SIGLEC5: variants seen among roughly 807,000 people sequenced by gnomAD.
The protein encoded by SIGLEC5 is sialic acid binding Ig like lectin 5, also known as sialic acid-binding Ig-like lectin 5.
Under a neutral mutation model 45.9 loss-of-function variants are expected in SIGLEC5, and 34 were observed. The observed-to-expected ratio is 0.74, with a 90% CI of 0.56 to 0.99. The LOEUF (loss-of-function observed/expected upper bound fraction) is 0.99, where lower values mean the gene tolerates loss of function less well. SIGLEC5 is among the 50% of genes least tolerant of loss of function. The pLI, the probability that SIGLEC5 is intolerant of heterozygous loss-of-function variation, is 0.00. For missense variants in SIGLEC5, 508 were observed against 629.6 expected (o/e 0.81, Z 2.07); for synonymous variants, 203 against 258.6 (o/e 0.79, Z 2.06).
At chr19:51,612,505 C>T (rs1982896284) in intron 8 of SIGLEC5, 83 bp from the exon 9 acceptor site, 1 of 1,025,738 alleles carries the variant, frequency 9.7e-7, no homozygotes, top group African/African-American at 1.7e-5. Flanking sequence ...TATATGTTGC[C>T]TTGGGATTTA....
chr19:51,625,667 T>C (rs1462275443), intron 8 of SIGLEC5, among the ~76,000 whole-genome samples: 1 of 152,060 alleles, frequency 6.6e-6, no homozygotes, highest in African/African-American at 2.4e-5. Context: ...CCGTCTCTAC[T>C]AAAAATACAA....
chr19:51,629,765 A>T, intron 2 of SIGLEC5, 68 bp downstream of exon 2: 2 of 1,227,844 alleles, frequency 1.6e-6, no homozygotes, highest in Non-Finnish European at 2.3e-6. Flanking sequence ...CCCCTGCCCA[A>T]CTCCTGTCCC....
rs1568593086 is a variant in SIGLEC5 at position 51,627,902 on chromosome 19, CCTT to C, written c.926_928del (p.Glu309del). On this transcript the variant is annotated inframe_deletion, in exon 5 of 9. Transcript: ENST00000683636. Reference sequence around the variant, plus strand: ...GTGCTGAGCGCGGCAGGTGAAGCCTCCTTCTTCTGCAGACCTTACTCGACGAAG... The same window carrying C: ...GTGCTGAGCGCGGCAGGTGAAGCCTCCTTCTGCAGACCTTACTCGACGAAG... 1.9e-6 allele frequency: 3 copies of C among 1,613,722 alleles called. No individual in the cohort carries two copies. The highest frequency in any genetic ancestry group is 2.5e-6 in the Non-Finnish European group (3 of 1,179,822).
chr19:51,622,428 C>T (rs536236301), intron 8 of SIGLEC5, among the ~76,000 whole-genome samples: 26 of 151,076 alleles, frequency 1.7e-4, no homozygotes, highest in African/African-American at 2.9e-4. Context: ...CGTGAGCCAC[C>T]GCGCCCGGCC....
At position 51,612,406 on chromosome 19, in the gene SIGLEC5, G is replaced by T; in HGVS notation, c.1481C>A (p.Pro494His). The T allele has an allele frequency of 6.2e-7, 1 of 1,610,722 alleles. No homozygotes were observed. Among genetic ancestry groups the T allele is most frequent in the Non-Finnish European group, 8.5e-7 (1 of 1,178,604 alleles). The stretch of plus-strand genomic sequence containing the variant: ...TTGATCTCCGGGGCTGTCTGGCCAG[G>T]GCTTCTTCCTGGAACCCTGAGTAAA... ...GTITSGSRKK[P>H]WPDSPGDQAS... Residue 494 changes from proline to histidine, a missense_variant, in exon 9 of 9, where the codon CCC becomes CAC. Around this residue, in one of 2 missense-constraint regions of SIGLEC5, gnomAD observed 431 missense variants for 428.8 expected, o/e 1.01. Coordinates refer to ENST00000683636, the MANE Select transcript of SIGLEC5 (RefSeq NM_003830.4).
In SIGLEC5 at chr19:51,630,171, G is replaced by T; in HGVS notation, c.83C>A (p.Ser28Ter). ...GCACAGGCCCTCCTGCACCGTCACC[G>T]ACTTCTGCACTTGCAGCTCGTACAC... The part of the protein sequence containing the change: ...KPVYELQVQK[S>*]VTVQEGLCVL... Residue 28 changes from serine (S) to a stop codon, truncating the protein, a stop_gained, in exon 2 of 9, where the codon TCG becomes TAG. Transcript: ENST00000683636. LOFTEE classifies it high-confidence loss of function. The T allele has an allele frequency of 1.8e-6, 1 of 559,920 alleles. No individual in the cohort carries two copies. Among genetic ancestry groups the T allele is most frequent in the Non-Finnish European group, 2.9e-6 (1 of 349,690 alleles). The allele number at this position is 559,920 out of a possible 1,614,324, so 34.7% of individuals were successfully genotyped here. A position where few individuals can be genotyped will look rare whatever the true frequency, so the allele number is the denominator to read the frequency against.
chr19:51,627,892 G>C lies in SIGLEC5; in HGVS notation c.939C>G (p.Thr313=), dbSNP rs201936835. The C allele has an allele frequency of 8.1e-6, 13 of 1,613,722 alleles. No individual in the cohort carries two copies. Among genetic ancestry groups the C allele is most frequent in the Non-Finnish European group, 1.1e-5 (13 of 1,179,816 alleles). The stretch of plus-strand genomic sequence containing the variant: ...AGCCCAGCGGGTGCTGAGCGCGGCA[G>C]GTGAAGCCTCCTTCTTCTGCAGACC... ...RVRSAEEGGF[T]CRAQHPLGFL... Residue 313 remains threonine (T), a synonymous_variant, in exon 5 of 9, where the codon ACC becomes ACG. Transcript: ENST00000683636.
chr19:51,619,377 G>A (rs1404379878), intron 8 of SIGLEC5, among the ~76,000 whole-genome samples: 1 of 152,140 alleles, frequency 6.6e-6, no homozygotes, highest in Non-Finnish European at 1.5e-5. Context: ...ACCGCACCCG[G>A]CTAAAAACAT....
intron 8 of SIGLEC5, among the ~76,000 whole-genome samples, chr19:51,625,705 C>T (rs945578330): frequency 1.3e-5 from 2 of 152,146 alleles, no homozygotes; most frequent in African/African-American, 4.8e-5. Context: ...TGGTGTGCGC[C>T]TGTAATCCCA....
At chr19:51,615,121 G>T (rs1331665335) in intron 8 of SIGLEC5, among the ~76,000 whole-genome samples, 1 of 152,166 alleles carries the variant, frequency 6.6e-6, no homozygotes, top group Non-Finnish European at 1.5e-5. Context: ...ATGGTTAAAG[G>T]TAAAATAAAG....
rs549022941 is a variant in SIGLEC5 at position 51,628,099 on chromosome 19, GA to G, written c.740-9del. 9.0e-5 allele frequency: 136 copies of G among 1,511,462 alleles called. No homozygotes were observed. The African/African-American group carries it at 1.6e-3, about 18-fold the overall frequency. The allele number at this position is 1,511,462 out of a possible 1,614,324, so 93.6% of individuals were successfully genotyped here. On this transcript the variant is annotated splice_polypyrimidine_tract_variant and intron_variant, in intron 4 of 8. Transcript: ENST00000683636. ...TTTGCAGGATCTCTAGGGCTTTGGG[GA>G]GAGAAGGGTGGGGAAAGAGAGATGG...
At position 51,627,760 on chromosome 19, in the gene SIGLEC5, G is replaced by A; in HGVS notation, c.998-14C>T. Reference sequence around the variant, plus strand: ...ACTGTGGGAGGGCTGTGGGGAGGGAGGACAGAACTCAGCAGGGGGCCTCTT... The same window carrying A: ...ACTGTGGGAGGGCTGTGGGGAGGGAAGACAGAACTCAGCAGGGGGCCTCTT... On this transcript the variant is annotated splice_polypyrimidine_tract_variant and intron_variant, in intron 5 of 8. Transcript: ENST00000683636. 1.3e-6 allele frequency: 2 copies of A among 1,573,532 alleles called. No homozygotes were observed. Among genetic ancestry groups the A allele is most frequent in the Non-Finnish European group, 8.6e-7 (1 of 1,158,086 alleles).
At chr19:51,624,610 G>T (rs1983409895) in intron 8 of SIGLEC5, among the ~76,000 whole-genome samples, 2 of 152,050 alleles carry the variant, frequency 1.3e-5, no homozygotes, top group Non-Finnish European at 2.9e-5. Context: ...AGACACGCTG[G>T]ACAGAAACAG....
At chr19:51,613,602 T>C (rs1255260349) in intron 8 of SIGLEC5, among the ~76,000 whole-genome samples, 2 of 152,108 alleles carry the variant, frequency 1.3e-5, no homozygotes, top group Admixed American at 1.3e-4. Context: ...GCTCATTCTT[T>C]CAAAATTTTG....
At chr19:51,617,556 A>G (rs1438987480) in intron 8 of SIGLEC5, among the ~76,000 whole-genome samples, 1 of 152,220 alleles carries the variant, frequency 6.6e-6, no homozygotes, top group Non-Finnish European at 1.5e-5. Context: ...TGGAGTTTAA[A>G]GCACCAAAGG....
chr19:51,626,416 G>A (rs371269678), intron 7 of SIGLEC5, among the ~76,000 whole-genome samples: 101 of 152,230 alleles, frequency 6.6e-4, no homozygotes, highest in African/African-American at 2.1e-3. Flanking sequence ...CCAAGTACCC[G>A]TCAACAGCTG....
At chr19:51,625,305 G>A (rs1428243207) in intron 8 of SIGLEC5, among the ~76,000 whole-genome samples, 1 of 152,222 alleles carries the variant, frequency 6.6e-6, no homozygotes, top group Admixed American at 6.5e-5. Context: ...GGCTGAAGTG[G>A]CCACCTGGTG....
intron 8 of SIGLEC5, among the ~76,000 whole-genome samples, chr19:51,614,130 G>C (rs749963317): frequency 1.3e-5 from 2 of 152,178 alleles, no homozygotes; most frequent in Non-Finnish European, 2.9e-5. Context: ...AGCAACGTGA[G>C]TCTTCAAACA....
At chr19:51,615,978 G>A (rs1373948374) in intron 8 of SIGLEC5, among the ~76,000 whole-genome samples, 3 of 152,214 alleles carry the variant, frequency 2.0e-5, no homozygotes, top group African/African-American at 7.2e-5. Context: ...GTTTCTCCAT[G>A]TTGGTTGGGC....
Sources: gnomAD v4.1 joint callset for allele counts (sites outside exome capture counted in the v4.1 genomes callset) on GRCh38, gnomAD v4.1.1 for gene constraint, gnomAD v4.1.1 regional missense constraint, MANE v1.5 for transcripts, NCBI Gene and HGNC (gene_info 2026-07-23, HGNC 2026-07-21) for gene names.